Variants in OSBPL1A observed in about 807,000 individuals in gnomAD.
OSBPL1A encodes oxysterol binding protein like 1A, also known as oxysterol-binding protein-related protein 1.
In OSBPL1A, 80 loss-of-function variants were observed where a neutral mutation model predicts 137.1. That is an observed-to-expected ratio of 0.58 (90% confidence interval 0.49 to 0.70). OSBPL1A has a LOEUF of 0.70. Among genes scored for constraint, OSBPL1A ranks in the 30% least tolerant of loss-of-function variants. The pLI is 0.00. For synonymous variants in OSBPL1A, 365 were observed against 389.7 expected (o/e 0.94, Z 0.75); for missense variants, 970 against 1,129.4 (o/e 0.86, Z 2.02).
At chr18:24,321,023 C>T (rs1186743803) in intron 7 of OSBPL1A, among the ~76,000 whole-genome samples, 18 of 104,164 alleles carry the variant, frequency 1.7e-4, no homozygotes, top group African/African-American at 7.1e-4. Context: ...AGCAAGACTT[C>T]GTCTCAAAAA....
intron 27 of OSBPL1A, 79 bp downstream of exon 27, chr18:24,164,986 A>C (rs1599417057): frequency 7.1e-7 from 1 of 1,412,144 alleles, no homozygotes. Context: ...CTGGGGTCAC[A>C]GTGTCTGGCA....
At chr18:24,333,626 A>G (rs764813352) in intron 6 of OSBPL1A, among the ~76,000 whole-genome samples, 12 of 152,244 alleles carry the variant, frequency 7.9e-5, no homozygotes, top group African/African-American at 1.7e-4. Flanking sequence ...ATGAGCTGAA[A>G]TAACTTTAAA....
intron 4 of OSBPL1A, among the ~76,000 whole-genome samples, chr18:24,359,706 T>A (rs2091593914): frequency 1.3e-5 from 2 of 151,416 alleles, no homozygotes; most frequent in South Asian, 2.1e-4. Context: ...TAAAAAAAAA[T>A]AAAAGTATTC....
intron 15 of OSBPL1A, among the ~76,000 whole-genome samples, chr18:24,263,679 AGGCTGG>A (rs763651298): frequency 9.9e-4 from 151 of 152,300 alleles, no homozygotes; most frequent in Non-Finnish European, 1.8e-3. Flanking sequence ...TCTGTCACCC[AGGCTGG>A]AGTGCAGTGG....
At chr18:24,386,712 C>A (rs1355355151) in intron 1 of OSBPL1A, among the ~76,000 whole-genome samples, 1 of 152,144 alleles carries the variant, frequency 6.6e-6, no homozygotes. Context: ...GTAATCCCAG[C>A]ACTTTGGGAG....
At chr18:24,192,554 G>A (rs1250570613) in intron 18 of OSBPL1A, among the ~76,000 whole-genome samples, 1 of 152,196 alleles carries the variant, frequency 6.6e-6, no homozygotes, top group Admixed American at 6.5e-5. Context: ...AAAACAGACT[G>A]GGAGAAGAAA....
chr18:24,165,019 CA>C (rs1255438790), intron 27 of OSBPL1A, 45 bp downstream of exon 27: 1 of 1,592,112 alleles, frequency 6.3e-7, no homozygotes, highest in Non-Finnish European at 8.6e-7. Flanking sequence ...CTGCACACAG[CA>C]GCCTGCCTGA....
At chr18:24,391,600 G>A (rs757777861) in intron 1 of OSBPL1A, among the ~76,000 whole-genome samples, 18 of 151,194 alleles carry the variant, frequency 1.2e-4, no homozygotes, top group Middle Eastern at 3.4e-3. Context: ...GTCATGGTGC[G>A]CACCTATAGA....
chr18:24,263,591 A>T (rs1277413600), intron 15 of OSBPL1A, among the ~76,000 whole-genome samples: 1 of 152,206 alleles, frequency 6.6e-6, no homozygotes, highest in Non-Finnish European at 1.5e-5. Context: ...ATCAAAATGT[A>T]TATATTCTTG....
At chr18:24,239,095 A>C in intron 16 of OSBPL1A, 125 bp downstream of exon 16, 5 of 1,130,772 alleles carry the variant, frequency 4.4e-6, no homozygotes, top group Non-Finnish European at 6.2e-6. Context: ...ATACATCGCT[A>C]TCTGTTTATT....
chr18:24,229,879 T>A (rs1372329086), intron 16 of OSBPL1A, among the ~76,000 whole-genome samples: 2 of 152,108 alleles, frequency 1.3e-5, no homozygotes, highest in African/African-American at 4.8e-5. Flanking sequence ...GCCTCCCAAG[T>A]ACCTGGGACT....
At chr18:24,200,840 A>G (rs2054578961) in intron 17 of OSBPL1A, among the ~76,000 whole-genome samples, 1 of 152,254 alleles carries the variant, frequency 6.6e-6, no homozygotes, top group Admixed American at 6.5e-5. Flanking sequence ...CAGAGGGAGT[A>G]GAGAAATTTT....
chr18:24,293,400 C>T (rs944337860), intron 14 of OSBPL1A, among the ~76,000 whole-genome samples: 2 of 152,160 alleles, frequency 1.3e-5, no homozygotes, highest in Non-Finnish European at 2.9e-5. Context: ...ACGACTTCCT[C>T]TCCCGTCCCT....
intron 4 of OSBPL1A, among the ~76,000 whole-genome samples, chr18:24,343,328 G>T (rs921420406): frequency 4.6e-5 from 7 of 152,062 alleles, no homozygotes; most frequent in African/African-American, 1.7e-4. Context: ...AATGTAAAAT[G>T]ACATAAATAA....
intron 7 of OSBPL1A, among the ~76,000 whole-genome samples, chr18:24,332,568 ACAGC>A (rs1278390453): frequency 2.3e-4 from 29 of 123,660 alleles, no homozygotes; most frequent in Non-Finnish European, 4.9e-5. Context: ...TTAAATAGAA[ACAGC>A]AAAAAAAAAA....
chr18:24,358,403 G>A, intron 4 of OSBPL1A: 1 of 696,808 alleles, frequency 1.4e-6, no homozygotes, highest in Non-Finnish European at 2.6e-6. Context: ...TACTTGACTT[G>A]TCCACTCCTG....
At chr18:24,173,515 T>A (rs1257690389) in intron 21 of OSBPL1A, among the ~76,000 whole-genome samples, 2 of 152,124 alleles carry the variant, frequency 1.3e-5, no homozygotes, top group Non-Finnish European at 2.9e-5. Context: ...CGGGTTCAAG[T>A]GATTCTCGGG....
intron 18 of OSBPL1A, among the ~76,000 whole-genome samples, chr18:24,194,673 C>T (rs746048573): frequency 3.3e-5 from 5 of 152,114 alleles, no homozygotes; most frequent in Non-Finnish European, 5.9e-5. Context: ...TTATTGAGCG[C>T]AACGTTAAAC....
chr18:24,363,867 T>A (rs1437397190), intron 4 of OSBPL1A, among the ~76,000 whole-genome samples: 1 of 151,724 alleles, frequency 6.6e-6, no homozygotes, highest in African/African-American at 2.4e-5. Context: ...CAAACTCCCG[T>A]GCTCAAGTGA....
Sources: gnomAD v4.1 joint callset for allele counts (sites outside exome capture counted in the v4.1 genomes callset) on GRCh38, gnomAD v4.1.1 for gene constraint, MANE v1.5 for transcripts, NCBI Gene and HGNC (gene_info 2026-07-23, HGNC 2026-07-21) for gene names.